Variants in CNBD1 observed in about 807,000 individuals in gnomAD.
CNBD1 encodes cyclic nucleotide binding domain containing 1, also known as cyclic nucleotide-binding domain-containing protein 1.
A neutral mutation model predicts 54.4 loss-of-function variants in CNBD1; 71 were observed. The ratio of observed to expected loss-of-function variants is 1.30; its 90% confidence interval spans 1.08 to 1.59. The LOEUF is 1.59. Ranked by LOEUF, CNBD1 falls within the 40% of genes most tolerant of loss-of-function variation. The pLI, the probability that CNBD1 is intolerant of heterozygous loss-of-function variation, is 0.00. For missense variants in CNBD1, 659 were observed against 518.0 expected (o/e 1.27, Z -2.64); for synonymous variants, 182 against 170.7 (o/e 1.07, Z -0.51).
At chr8:87,330,085 C>A (rs1809788745) in intron 8 of CNBD1, among the ~76,000 whole-genome samples, 1 of 151,734 alleles carries the variant, frequency 6.6e-6, no homozygotes, top group African/African-American at 2.4e-5. Flanking sequence ...TTAATCTAGG[C>A]TTTTAATCTA....
chr8:87,307,510 G>T (rs1809180550), intron 8 of CNBD1, among the ~76,000 whole-genome samples: 1 of 152,150 alleles, frequency 6.6e-6, no homozygotes, highest in Non-Finnish European at 1.5e-5. Context: ...GGCTGAGGCA[G>T]GTGGATCAGC....
intron 8 of CNBD1, among the ~76,000 whole-genome samples, chr8:87,321,745 C>T (rs1056710982): frequency 6.0e-5 from 9 of 150,428 alleles, no homozygotes; most frequent in African/African-American, 1.5e-4. Context: ...CTTTTGGTGT[C>T]GTATCCAAGA....
At chr8:86,868,033 G>A (rs1215735331) in intron 1 of CNBD1, among the ~76,000 whole-genome samples, 2 of 152,122 alleles carry the variant, frequency 1.3e-5, no homozygotes, top group Non-Finnish European at 2.9e-5. Flanking sequence ...TAATAACTGT[G>A]TCTTTTTGCT....
chr8:87,078,953 C>T (rs149014531), intron 4 of CNBD1, among the ~76,000 whole-genome samples: 72 of 152,188 alleles, frequency 4.7e-4, no homozygotes, highest in African/African-American at 1.6e-3. Context: ...TGATACACCA[C>T]CAATATTAGA....
chr8:86,959,423 C>T (rs572072256), intron 4 of CNBD1, among the ~76,000 whole-genome samples: 2 of 152,164 alleles, frequency 1.3e-5, no homozygotes, highest in Non-Finnish European at 2.9e-5. Context: ...AAGTTCTCCT[C>T]AATAATATCC....
chr8:87,092,314 A>G (rs1586250197), intron 4 of CNBD1, among the ~76,000 whole-genome samples: 1 of 151,556 alleles, frequency 6.6e-6, no homozygotes, highest in East Asian at 1.9e-4. Flanking sequence ...TAGGACTTTG[A>G]TGAACCCAGG....
chr8:87,418,190 G>A (rs1167719722), intron 2 of CNBD1, among the ~76,000 whole-genome samples: 2 of 151,898 alleles, frequency 1.3e-5, no homozygotes, highest in Non-Finnish European at 2.9e-5. Flanking sequence ...TATAAGGATA[G>A]ACATATGGGC....
intron 5 of CNBD1, among the ~76,000 whole-genome samples, chr8:87,231,990 C>T (rs1418761922): frequency 6.6e-6 from 1 of 152,128 alleles, no homozygotes; most frequent in Non-Finnish European, 1.5e-5. Flanking sequence ...GAATTGAATT[C>T]ACATGAATCA....
At chr8:87,232,617 T>A (rs1304990376) in intron 5 of CNBD1, among the ~76,000 whole-genome samples, 1 of 152,122 alleles carries the variant, frequency 6.6e-6, no homozygotes, top group African/African-American at 2.4e-5. Context: ...TTTACAAAAT[T>A]AAAAAATAAA....
At chr8:87,118,214 C>A (rs1811814534) in intron 4 of CNBD1, among the ~76,000 whole-genome samples, 2 of 148,594 alleles carry the variant, frequency 1.3e-5, no homozygotes, top group African/African-American at 5.0e-5. Flanking sequence ...ACTCAGGAGG[C>A]TGAGGCAGGA....
At chr8:87,311,427 T>C (rs1809262076) in intron 8 of CNBD1, among the ~76,000 whole-genome samples, 1 of 152,080 alleles carries the variant, frequency 6.6e-6, no homozygotes, top group South Asian at 2.1e-4. Flanking sequence ...AGAATGGCTA[T>C]TATTAAAAAG....
intron 2 of CNBD1, among the ~76,000 whole-genome samples, chr8:87,396,397 C>A (rs145148603): frequency 6.6e-6 from 1 of 152,028 alleles, no homozygotes; most frequent in Admixed American, 6.6e-5. Context: ...TCACTGAAAT[C>A]TACATGCCTA....
chr8:87,216,734 CCTTTAG>C (rs1814219913), intron 5 of CNBD1, among the ~76,000 whole-genome samples: 1 of 152,112 alleles, frequency 6.6e-6, no homozygotes, highest in African/African-American at 2.4e-5. Context: ...CTGAAGCCAA[CCTTTAG>C]CTTTGTTTTA....
rs1563461724 is a variant in CNBD1, at chr8:87,083,585, C to CCT, written c.432-122408_432-122407insCT. On this transcript the variant is annotated intron_variant, in intron 4 of 10. Transcript: ENST00000518476. The stretch of plus-strand genomic sequence containing the variant: ...ACTTCTGGACCAAACCAATGTATTT[C>CCT]TTTTTTTTTTTTTTTTTTTTTGAGA... Among the ~76,000 whole-genome samples, 43 of 117,130 alleles carry CCT rather than the reference C, an allele frequency of 3.7e-4. 1 individual carries two copies. The highest frequency in any genetic ancestry group is 3.5e-4 in the Admixed American group (4 of 11,310). The allele number at this position is 117,130 out of a possible 152,430, so 76.8% of individuals were successfully genotyped here. A position where few individuals can be genotyped will look rare whatever the true frequency, so the allele number is the denominator to read the frequency against.
At chr8:87,328,814 T>A (rs1355090430) in intron 8 of CNBD1, among the ~76,000 whole-genome samples, 2 of 152,174 alleles carry the variant, frequency 1.3e-5, no homozygotes. Flanking sequence ...TGCAAGCCTT[T>A]CACTTTCATG....
chr8:87,000,483 A>G (rs553276875), intron 4 of CNBD1, among the ~76,000 whole-genome samples: 7 of 152,190 alleles, frequency 4.6e-5, no homozygotes, highest in Non-Finnish European at 1.0e-4. Flanking sequence ...CTACATGCAA[A>G]TGAGACTTAG....
intron 4 of CNBD1, among the ~76,000 whole-genome samples, chr8:87,144,777 G>T (rs150080722): frequency 6.8e-6 from 1 of 147,774 alleles, no homozygotes; most frequent in Non-Finnish European, 1.5e-5. Context: ...GCCAAATTGC[G>T]CCATTGCACT....
At chr8:87,295,900 T>C (rs1808867372) in intron 8 of CNBD1, among the ~76,000 whole-genome samples, 1 of 152,162 alleles carries the variant, frequency 6.6e-6, no homozygotes, top group African/African-American at 2.4e-5. Flanking sequence ...AAATTATAAA[T>C]ACTATTCATT....
intron 2 of CNBD1, among the ~76,000 whole-genome samples, chr8:87,407,126 C>T (rs1316303401): frequency 6.6e-6 from 1 of 152,026 alleles, no homozygotes; most frequent in East Asian, 1.9e-4. Context: ...AAACAATTAA[C>T]ACCCTAGAAG....
Sources: allele counts gnomAD v4.1 joint callset (sites outside exome capture counted in the v4.1 genomes callset), GRCh38; gene constraint gnomAD v4.1.1; transcripts MANE v1.5; gene names NCBI Gene and HGNC (gene_info 2026-07-23, HGNC 2026-07-21).